TBXAS1: variants seen among roughly 807,000 people sequenced by gnomAD.
TBXAS1 encodes thromboxane A synthase 1.
TBXAS1 carries 48 observed loss-of-function variants against 60.7 expected under a neutral mutation model. The observed-to-expected ratio is 0.79, with a 90% CI of 0.63 to 1.01. The LOEUF (loss-of-function observed/expected upper bound fraction) is 1.01, where lower values mean the gene tolerates loss of function less well. Ranked by LOEUF, TBXAS1 falls within the 50% of genes least tolerant of loss-of-function variation. The pLI is 0.00. For synonymous variants in TBXAS1, 287 were observed against 269.7 expected (o/e 1.06, Z -0.63); for missense variants, 685 against 686.3 (o/e 1.00, Z 0.02).
intron 9 of TBXAS1, among the ~76,000 whole-genome samples, chr7:139,995,489 T>TG (rs1258483963): frequency 1.3e-5 from 2 of 151,916 alleles, no homozygotes; most frequent in African/African-American, 4.8e-5. Flanking sequence ...CCTGGGTGGG[T>TG]GGGGGCGTGG....
At position 139,995,000 on chromosome 7, in the gene TBXAS1, T is replaced by C. The variant is rs547327509; in HGVS notation, c.1135-12091T>C. On this transcript the variant is annotated intron_variant, in intron 9 of 12. Coordinates refer to ENST00000448866, the MANE Select transcript of TBXAS1 (RefSeq NM_001061.7). ...GCAGAGATGGCTGCTGCTAGAATGG[T>C]GAGCAGAGCTGGGGAGCGCAGGAAA... Among the ~76,000 whole-genome samples, 9 of 152,306 alleles carry C rather than the reference T, an allele frequency of 5.9e-5. No individual in the cohort carries two copies. The South Asian group carries it at 1.9e-3, about 32-fold the overall frequency.
At chr7:139,805,758 T>C (rs1234157468) in intron 4 of TBXAS1, among the ~76,000 whole-genome samples, 1 of 137,532 alleles carries the variant, frequency 7.3e-6, no homozygotes, top group Non-Finnish European at 1.5e-5. Context: ...TTCTTTCTTG[T>C]CTTTCTTTCT....
At chr7:139,917,058 A>G (rs547320679) in intron 4 of TBXAS1, among the ~76,000 whole-genome samples, 75 of 152,374 alleles carry the variant, frequency 4.9e-4, no homozygotes, top group African/African-American at 1.7e-3. Context: ...AGTGGTTGCC[A>G]TGCATGACCT....
intron 2 of TBXAS1, among the ~76,000 whole-genome samples, chr7:139,872,725 C>T (rs1263680948): frequency 6.6e-6 from 1 of 152,152 alleles, no homozygotes; most frequent in Non-Finnish European, 1.5e-5. Context: ...CTGCATGAAA[C>T]ATTGGTCTTG....
rs150191153 is a variant in TBXAS1, at chr7:140,006,588, T to A, written c.1135-503T>A. Among the ~76,000 whole-genome samples, 1,492 of 152,358 alleles carry A rather than the reference T, an allele frequency of 9.8e-3. 32 individuals carry two copies. Among genetic ancestry groups the A allele is most frequent in the African/African-American group, 0.034 (1,422 of 41,584 alleles). On this transcript the variant is annotated intron_variant, in intron 9 of 12. Transcript: ENST00000448866. Reference sequence around the variant, plus strand: ...CTGACTGATAGTAGCTCTTTGGTTTTTGTTACTGTTAGTCCTTTATAGATG... The same window carrying A: ...CTGACTGATAGTAGCTCTTTGGTTTATGTTACTGTTAGTCCTTTATAGATG...
At chr7:139,915,517 T>G (rs564010705) in intron 4 of TBXAS1, among the ~76,000 whole-genome samples, 86 of 152,348 alleles carry the variant, frequency 5.6e-4, no homozygotes, top group African/African-American at 2.0e-3. Flanking sequence ...TAATGCATGC[T>G]CTCATTCTCC....
rs1267821026 is a variant in TBXAS1, at chr7:140,014,928, AAAG to A, written c.1227-791_1227-789del. On this transcript the variant is annotated intron_variant, in intron 10 of 12. Transcript: ENST00000448866. Reference sequence around the variant, plus strand: ...TGTCTCAAAAAAAAAGAAGAAGAAGAAAGAAGGAGGAGGAGGAGAAGAAGAAGA... The same window carrying A: ...TGTCTCAAAAAAAAAGAAGAAGAAGAAAGGAGGAGGAGGAGAAGAAGAAGA... 3.4e-3 allele frequency among the ~76,000 whole-genome samples: 507 copies of A among 150,876 alleles called. 5 individuals are homozygous for A. Among genetic ancestry groups the A allele is most frequent in the African/African-American group, 0.012 (490 of 40,474 alleles).
At chr7:139,955,661 C>A (rs879643140) in intron 7 of TBXAS1, 54 bp downstream of exon 7, 51 of 1,609,650 alleles carry the variant, frequency 3.2e-5, no homozygotes, top group Non-Finnish European at 4.2e-5. Flanking sequence ...GTTGGGCAGA[C>A]CCCATGACAC....
chr7:139,921,134 G>C (rs1806436094), intron 4 of TBXAS1, among the ~76,000 whole-genome samples: 1 of 151,832 alleles, frequency 6.6e-6, no homozygotes, highest in Non-Finnish European at 1.5e-5. Flanking sequence ...TGAGTGTAAA[G>C]CTCAATGTAT....
chr7:139,979,171 C>A (rs1474938540), intron 9 of TBXAS1, among the ~76,000 whole-genome samples: 1 of 152,094 alleles, frequency 6.6e-6, no homozygotes, highest in Non-Finnish European at 1.5e-5. Context: ...ACTAGGAATT[C>A]TGTTTTCTTA....
Position 139,852,777 on chromosome 7 carries a change from G to T in TBXAS1, c.90-19458G>T, listed in dbSNP as rs886131234. On this transcript the variant is annotated intron_variant, in intron 1 of 12. Coordinates refer to ENST00000448866, the MANE Select transcript of TBXAS1 (RefSeq NM_001061.7). The surrounding 1 kb of genome is among the most constrained non-coding windows in gnomAD (Gnocchi z 4.4). ...GGACGGGTCATAGTGCAATAGAAAG[G>T]TGGAAATATTGGCTGGGTTTATGAA... 2.6e-5 allele frequency among the ~76,000 whole-genome samples: 4 copies of T among 152,118 alleles called. No homozygotes were observed. The highest frequency in any genetic ancestry group is 4.4e-5 in the Non-Finnish European group (3 of 68,016).
At position 140,007,875 on chromosome 7, in the gene TBXAS1, C is replaced by A. The variant is rs147307702; in HGVS notation, c.1226+693C>A. Among the ~76,000 whole-genome samples, 4 of 152,326 alleles carry A rather than the reference C, an allele frequency of 2.6e-5. No individual in the cohort carries two copies. The South Asian group carries it at 6.2e-4, about 24-fold the overall frequency. On this transcript the variant is annotated intron_variant, in intron 10 of 12. Coordinates refer to ENST00000448866, the MANE Select transcript of TBXAS1 (RefSeq NM_001061.7). ...TTTCACTAATGTACACACCAACCAG[C>A]CGGTCACACCAACCTGTGGGTATCT... is the stretch of plus-strand genomic sequence containing the variant.
intron 3 of TBXAS1, among the ~76,000 whole-genome samples, chr7:139,908,899 G>A (rs1460760699): frequency 6.6e-6 from 1 of 152,076 alleles, no homozygotes; most frequent in Non-Finnish European, 1.5e-5. Context: ...ATCAGAGAAT[G>A]CCATTATTTC....
chr7:140,002,539 A>T (rs1813744897), intron 9 of TBXAS1, among the ~76,000 whole-genome samples: 1 of 151,254 alleles, frequency 6.6e-6, no homozygotes, highest in Admixed American at 6.6e-5. Context: ...CAAAGCCAGC[A>T]ACTGCTGGGT....
At chr7:139,943,642 C>T (rs150294561) in intron 5 of TBXAS1, among the ~76,000 whole-genome samples, 136 of 152,320 alleles carry the variant, frequency 8.9e-4, no homozygotes, top group African/African-American at 2.9e-3. Context: ...CAAGTCTTGA[C>T]AGGAGCCACT....
At chr7:139,951,978 G>GAGAGAAAGAAGGAAAGAAAGAA (rs1569518431) in intron 5 of TBXAS1, among the ~76,000 whole-genome samples, 16 of 144,256 alleles carry the variant, frequency 1.1e-4, no homozygotes, top group African/African-American at 4.1e-4. Flanking sequence ...AAGAAAGAAA[G>GAGAGAAAGAAGGAAAGAAAGAA]AAAGAAAGAA....
chr7:140,013,308 T>G lies in TBXAS1; in HGVS notation c.1227-2415T>G, dbSNP rs1226201747. Among the ~76,000 whole-genome samples, 2 of 152,226 alleles carry G rather than the reference T, an allele frequency of 1.3e-5. No homozygotes were observed. Among genetic ancestry groups the G allele is most frequent in the Admixed American group, 6.5e-5 (1 of 15,282 alleles). ...TGAAGCCAACAGTGAAGCTGTTTCT[T>G]GGTTCAGAGGTTTATCTTCCTCGGC... On this transcript the variant is annotated intron_variant, in intron 10 of 12. Coordinates refer to ENST00000448866, the MANE Select transcript of TBXAS1 (RefSeq NM_001061.7). This position sits in a 1 kb window ranked among gnomAD's most constrained non-coding sequence, Gnocchi z 4.2.
At chr7:139,949,759 T>C (rs1809045107) in intron 5 of TBXAS1, among the ~76,000 whole-genome samples, 1 of 152,236 alleles carries the variant, frequency 6.6e-6, no homozygotes, top group Non-Finnish European at 1.5e-5. Context: ...CATTTCTGTT[T>C]CTACAAATCA....
rs1288467143 is a variant in TBXAS1, at chr7:139,852,619, C to T, written c.90-19616C>T. Among the ~76,000 whole-genome samples, 3 of 152,160 alleles carry T rather than the reference C, an allele frequency of 2.0e-5. No homozygotes were observed. Among genetic ancestry groups the T allele is most frequent in the Non-Finnish European group, 4.4e-5 (3 of 68,022 alleles). On this transcript the variant is annotated intron_variant, in intron 1 of 12. Transcript: ENST00000448866. The surrounding 1 kb of genome is among the most constrained non-coding windows in gnomAD (Gnocchi z 4.4). Reference sequence around the variant, plus strand: ...ACAAAGATCTGGGGGATTACAGGAACAAACATGATGCAAGGGGATTATAAA... The same window carrying T: ...ACAAAGATCTGGGGGATTACAGGAATAAACATGATGCAAGGGGATTATAAA...
Sources: gnomAD v4.1 joint callset for allele counts (sites outside exome capture counted in the v4.1 genomes callset) on GRCh38, gnomAD v4.1.1 for gene constraint, Gnocchi (gnomAD v3.1) non-coding constraint, MANE v1.5 for transcripts, NCBI Gene and HGNC (gene_info 2026-07-23, HGNC 2026-07-21) for gene names.